Variants in LDLRAD3 observed in about 807,000 individuals in gnomAD.
LDLRAD3 encodes low density lipoprotein receptor class A domain containing 3, also known as low-density lipoprotein receptor class A domain-containing protein 3.
LDLRAD3 carries 20 observed loss-of-function variants against 29.4 expected under a neutral mutation model. The observed-to-expected ratio is 0.68, with a 90% confidence interval of 0.48 to 0.99. The LOEUF is 0.99. LDLRAD3 is among the 50% of genes least tolerant of loss of function. The pLI is 0.00. For missense variants in LDLRAD3, 420 were observed against 454.3 expected (o/e 0.92, Z 0.69); for synonymous variants, 157 against 192.7 (o/e 0.81, Z 1.53).
intron 4 of LDLRAD3, among the ~76,000 whole-genome samples, chr11:36,174,794 A>G (rs1373150309): frequency 1.3e-5 from 2 of 152,300 alleles, no homozygotes; most frequent in East Asian, 3.9e-4. Flanking sequence ...ATCCTGGCTA[A>G]CATGATGAAA....
intron 1 of LDLRAD3, among the ~76,000 whole-genome samples, chr11:35,946,306 C>A (rs866366718): frequency 2.0e-5 from 3 of 152,192 alleles, no homozygotes; most frequent in Non-Finnish European, 4.4e-5. Flanking sequence ...CTTTGGATCT[C>A]TGTCTCCATC....
intron 1 of LDLRAD3, among the ~76,000 whole-genome samples, chr11:35,946,828 T>C (rs1290887633): frequency 6.6e-6 from 1 of 152,190 alleles, no homozygotes; most frequent in Non-Finnish European, 1.5e-5. Flanking sequence ...TTTTATTGTT[T>C]TTAACTTGCT....
At chr11:36,174,574 C>T (rs188950903) in intron 4 of LDLRAD3, among the ~76,000 whole-genome samples, 2 of 152,310 alleles carry the variant, frequency 1.3e-5, no homozygotes, top group Admixed American at 1.3e-4. Flanking sequence ...AGACACTTCT[C>T]AAAAGAAGAC....
intron 2 of LDLRAD3, among the ~76,000 whole-genome samples, chr11:36,045,648 G>T (rs187088905): frequency 2.0e-5 from 3 of 151,426 alleles, no homozygotes; most frequent in African/African-American, 7.3e-5. Flanking sequence ...CTGGTGGGAG[G>T]TAATTGAATC....
chr11:36,038,037 C>T (rs1419254778), intron 2 of LDLRAD3, among the ~76,000 whole-genome samples: 1 of 152,126 alleles, frequency 6.6e-6, no homozygotes, highest in Non-Finnish European at 1.5e-5. Flanking sequence ...GCTGGGACCA[C>T]AGGAGTGCGC....
intron 1 of LDLRAD3, among the ~76,000 whole-genome samples, chr11:35,951,566 C>T (rs1170290367): frequency 6.6e-6 from 1 of 152,098 alleles, no homozygotes; most frequent in East Asian, 1.9e-4. Flanking sequence ...TTGTGTTTTC[C>T]TCTTTTAATT....
At chr11:36,163,822 A>G (rs887381432) in intron 4 of LDLRAD3, among the ~76,000 whole-genome samples, 7 of 152,244 alleles carry the variant, frequency 4.6e-5, no homozygotes, top group Non-Finnish European at 7.3e-5. Context: ...GATCATGTAT[A>G]TAATGGAAAT....
In LDLRAD3 at chr11:36,092,777, A is replaced by G. The variant is rs977878432; in HGVS notation, c.320-5550A>G. On this transcript the variant is annotated intron_variant, in intron 3 of 5. Transcript: ENST00000315571. Reference sequence around the variant, plus strand: ...TGGAATTTACGTAAATGGAGAAGCCATAGACCCTGAGAGAGCTGATGGCCT... The same window carrying G: ...TGGAATTTACGTAAATGGAGAAGCCGTAGACCCTGAGAGAGCTGATGGCCT... 2.0e-5 allele frequency among the ~76,000 whole-genome samples: 3 copies of G among 152,268 alleles called. 1 individual carries two copies. The highest frequency in any genetic ancestry group is 4.4e-5 in the Non-Finnish European group (3 of 68,048).
intron 4 of LDLRAD3, among the ~76,000 whole-genome samples, chr11:36,210,746 G>A (rs1855273714): frequency 6.6e-6 from 1 of 152,330 alleles, no homozygotes; most frequent in South Asian, 2.1e-4. Context: ...CACCCAGGGA[G>A]GTGGTGGTGG....
intron 1 of LDLRAD3, among the ~76,000 whole-genome samples, chr11:36,026,804 G>A (rs537693703): frequency 3.3e-5 from 5 of 152,168 alleles, no homozygotes; most frequent in Non-Finnish European, 7.3e-5. Context: ...CTAAAATGGG[G>A]AGGAGTCCTC....
intron 1 of LDLRAD3, among the ~76,000 whole-genome samples, chr11:35,954,781 T>C (rs144659880): frequency 1.8e-3 from 276 of 152,322 alleles, no homozygotes; most frequent in African/African-American, 6.2e-3. Context: ...ATTATAGCAA[T>C]TTTAAATCAG....
chr11:36,211,668 C>T (rs1855285229), intron 4 of LDLRAD3, among the ~76,000 whole-genome samples: 1 of 152,148 alleles, frequency 6.6e-6, no homozygotes, highest in African/African-American at 2.4e-5. Context: ...TGCCTGGGGT[C>T]CCTGGCCCAG....
chr11:36,047,085 G>A (rs1323508937), intron 2 of LDLRAD3, among the ~76,000 whole-genome samples: 2 of 152,122 alleles, frequency 1.3e-5, no homozygotes, highest in Non-Finnish European at 2.9e-5. Flanking sequence ...AGCACACAGT[G>A]TCACCAGCTC....
chr11:36,154,620 A>G (rs1050295135), intron 4 of LDLRAD3, among the ~76,000 whole-genome samples: 2 of 152,148 alleles, frequency 1.3e-5, no homozygotes, highest in African/African-American at 4.8e-5. Context: ...ATTTTCCCCC[A>G]TTCCATACTG....
chr11:35,956,158 G>A (rs1590681266), intron 1 of LDLRAD3, among the ~76,000 whole-genome samples: 2 of 152,202 alleles, frequency 1.3e-5, no homozygotes, highest in Admixed American at 6.5e-5. Context: ...GTGTATTTTT[G>A]TTATATATTA....
chr11:35,945,539 C>G (rs934825698), intron 1 of LDLRAD3, among the ~76,000 whole-genome samples: 1 of 152,196 alleles, frequency 6.6e-6, no homozygotes, highest in Non-Finnish European at 1.5e-5. Flanking sequence ...GGAGAGAGTT[C>G]TCACAGGACA....
chr11:36,027,990 C>G (rs755468204), intron 1 of LDLRAD3, among the ~76,000 whole-genome samples: 4 of 152,224 alleles, frequency 2.6e-5, no homozygotes, highest in Non-Finnish European at 4.4e-5. Flanking sequence ...TCTGGGTTCT[C>G]TCCCAGGTCT....
At chr11:36,177,601 AC>A (rs1854697850) in intron 4 of LDLRAD3, among the ~76,000 whole-genome samples, 1 of 152,190 alleles carries the variant, frequency 6.6e-6, no homozygotes, top group Non-Finnish European at 1.5e-5. Context: ...GGGTCTAGCC[AC>A]CCAGTGGAGC....
At chr11:36,140,619 C>T (rs528403623) in intron 4 of LDLRAD3, among the ~76,000 whole-genome samples, 77 of 152,166 alleles carry the variant, frequency 5.1e-4, no homozygotes, top group African/African-American at 1.8e-3. Flanking sequence ...TGGGGTCTCT[C>T]CACGTTGCCC....
Sources: gnomAD v4.1 joint callset for allele counts (sites outside exome capture counted in the v4.1 genomes callset) on GRCh38, gnomAD v4.1.1 for gene constraint, MANE v1.5 for transcripts, NCBI Gene and HGNC (gene_info 2026-07-23, HGNC 2026-07-21) for gene names.